Variants in TAFA2 observed in about 807,000 individuals in gnomAD.
TAFA2 encodes the protein chemokine-like protein TAFA-2.
Under a neutral mutation model 18.8 loss-of-function variants are expected in TAFA2, and 7 were observed. That is an observed-to-expected ratio of 0.37 (90% confidence interval 0.21 to 0.70). TAFA2 has a LOEUF of 0.70. Among genes scored for constraint, TAFA2 ranks in the 30% least tolerant of loss-of-function variants. The pLI, the probability that TAFA2 is intolerant of heterozygous loss-of-function variation, is 0.53. For synonymous variants in TAFA2, 60 were observed against 54.2 expected (o/e 1.11, Z -0.47); for missense variants, 122 against 158.1 (o/e 0.77, Z 1.23).
intron 1 of TAFA2, chr12:62,021,563 C>G (rs1469505611): frequency 2.5e-6 from 2 of 790,634 alleles, no homozygotes; most frequent in Non-Finnish European, 4.6e-6. Flanking sequence ...CCAAGGAGAC[C>G]CTGTTACGCT....
chr12:61,970,286 G>A (rs2136663868), intron 1 of TAFA2, among the ~76,000 whole-genome samples: 2 of 151,692 alleles, frequency 1.3e-5, no homozygotes, highest in East Asian at 2.0e-4. Flanking sequence ...AAATTGCACA[G>A]GGTAAAATTT....
chr12:61,939,776 C>T (rs1877921736), intron 1 of TAFA2, among the ~76,000 whole-genome samples: 2 of 152,202 alleles, frequency 1.3e-5, no homozygotes, highest in Admixed American at 1.3e-4. Flanking sequence ...CCACTCAAAG[C>T]ACAAGTGCCA....
At chr12:61,846,847 G>A (rs958674542) in intron 2 of TAFA2, among the ~76,000 whole-genome samples, 4 of 152,098 alleles carry the variant, frequency 2.6e-5, no homozygotes, top group Non-Finnish European at 2.9e-5. Context: ...TGTGGTAAAA[G>A]GTCTGCAGTT....
At chr12:61,927,932 T>C (rs767229409) in intron 1 of TAFA2, among the ~76,000 whole-genome samples, 2 of 152,174 alleles carry the variant, frequency 1.3e-5, no homozygotes, top group African/African-American at 4.8e-5. Flanking sequence ...ATTTAATAAA[T>C]GGCGTTGGGA....
intron 1 of TAFA2, among the ~76,000 whole-genome samples, chr12:62,147,751 A>G: frequency 7.1e-6 from 1 of 140,324 alleles, no homozygotes; most frequent in South Asian, 2.3e-4. Context: ...AAAAAAAAAA[A>G]GAAACCATTA....
chr12:61,807,112 C>T (rs534910086), intron 2 of TAFA2, among the ~76,000 whole-genome samples: 1 of 149,488 alleles, frequency 6.7e-6, no homozygotes, highest in South Asian at 2.1e-4. Flanking sequence ...CAGACGTCTT[C>T]ATAGCAGGAC....
intron 1 of TAFA2, among the ~76,000 whole-genome samples, chr12:62,251,306 G>A (rs1003598576): frequency 1.1e-4 from 17 of 152,202 alleles, no homozygotes; most frequent in African/African-American, 3.6e-4. Context: ...GAAGAATATT[G>A]AAGAGCAGGC....
chr12:61,724,484 C>T, intron 4 of TAFA2, among the ~76,000 whole-genome samples: 1 of 151,508 alleles, frequency 6.6e-6, no homozygotes, highest in East Asian at 1.9e-4. Flanking sequence ...GTACACTCAT[C>T]CCCTGAAGAG....
At chr12:62,178,378 T>C (rs1481841721) in intron 1 of TAFA2, among the ~76,000 whole-genome samples, 1 of 152,200 alleles carries the variant, frequency 6.6e-6, no homozygotes, top group Non-Finnish European at 1.5e-5. Flanking sequence ...TCACCGTTTA[T>C]GTTATAATTT....
chr12:61,737,147 T>TA (rs1382903133), intron 4 of TAFA2, among the ~76,000 whole-genome samples: 1 of 151,948 alleles, frequency 6.6e-6, no homozygotes, highest in East Asian at 1.9e-4. Context: ...AATAGGCATC[T>TA]AAAAAAATCT....
intron 1 of TAFA2, among the ~76,000 whole-genome samples, chr12:61,972,814 C>A (rs1879296255): frequency 6.6e-6 from 1 of 151,442 alleles, no homozygotes; most frequent in Non-Finnish European, 1.5e-5. Flanking sequence ...AAAGATATCT[C>A]AGGAAAAGTG....
intron 1 of TAFA2, among the ~76,000 whole-genome samples, chr12:62,198,793 C>T (rs2062659509): frequency 6.6e-6 from 1 of 152,182 alleles, no homozygotes; most frequent in Admixed American, 6.5e-5. Flanking sequence ...ATCCCCATCC[C>T]CTAGCATGGT....
At chr12:62,234,535 G>C in intron 1 of TAFA2, 3 of 889,542 alleles carry the variant, frequency 3.4e-6, no homozygotes, top group Non-Finnish European at 5.7e-6. Flanking sequence ...TCAATGTCTG[G>C]TGTGTACCCA....
chr12:61,905,453 T>C (rs1004415837), intron 1 of TAFA2, among the ~76,000 whole-genome samples: 3 of 152,176 alleles, frequency 2.0e-5, no homozygotes, highest in Non-Finnish European at 4.4e-5. Flanking sequence ...TTAAATAAAA[T>C]AAATTATTAG....
chr12:61,907,889 C>A (rs1188018993), intron 1 of TAFA2, among the ~76,000 whole-genome samples: 1 of 152,150 alleles, frequency 6.6e-6, no homozygotes, highest in South Asian at 2.1e-4. Flanking sequence ...AATGACTGCC[C>A]TATTGAATTT....
chr12:61,881,117 T>G (rs1875116844), intron 1 of TAFA2, among the ~76,000 whole-genome samples: 1 of 152,132 alleles, frequency 6.6e-6, no homozygotes, highest in Non-Finnish European at 1.5e-5. Context: ...TTTCTGGGCC[T>G]ATGAAAAAAG....
chr12:61,849,844 A>C (rs1289882098), intron 2 of TAFA2, among the ~76,000 whole-genome samples: 1 of 152,158 alleles, frequency 6.6e-6, no homozygotes, highest in African/African-American at 2.4e-5. Context: ...TTTCCCTCAA[A>C]TATTTTGCTA....
intron 1 of TAFA2, among the ~76,000 whole-genome samples, chr12:62,070,892 A>G (rs912535018): frequency 6.6e-6 from 1 of 152,196 alleles, no homozygotes; most frequent in African/African-American, 2.4e-5. Context: ...CAGCTGCACC[A>G]AATTTCAGAT....
chr12:62,248,437 G>A (rs530087331), intron 1 of TAFA2, among the ~76,000 whole-genome samples: 15 of 152,344 alleles, frequency 9.8e-5, no homozygotes, highest in Admixed American at 7.2e-4. Context: ...TAAGCTCCCT[G>A]TGCACAATGG....
Sources: gnomAD v4.1 joint callset for allele counts (sites outside exome capture counted in the v4.1 genomes callset) on GRCh38, gnomAD v4.1.1 for gene constraint, MANE v1.5 for transcripts, NCBI Gene and HGNC (gene_info 2026-07-23, HGNC 2026-07-21) for gene names.